The following SRRT variants were observed in gnomAD, a reference collection of about 807,000 sequenced individuals.
SRRT encodes the protein serrate, RNA effector molecule, also known as serrate RNA effector molecule homolog.
In SRRT, 32 loss-of-function variants were observed where a neutral mutation model predicts 103.2. That is an observed-to-expected ratio of 0.31 (90% confidence interval 0.23 to 0.42). The LOEUF (loss-of-function observed/expected upper bound fraction) is 0.42, where lower values mean the gene tolerates loss of function less well. Among genes scored for constraint, SRRT ranks in the 10% least tolerant of loss-of-function variants. The pLI is 1.00. For synonymous variants in SRRT, 525 were observed against 449.0 expected, an observed-to-expected ratio of 1.17 and a Z score of -2.14; for missense variants, 986 against 1,207.5, an observed-to-expected ratio of 0.82 and a Z score of 2.72.
chr7:100,880,109 G>A (rs1255796057), intron 2 of SRRT, among the ~76,000 whole-genome samples: 1 of 152,224 alleles, frequency 6.6e-6, no homozygotes, highest in Non-Finnish European at 1.5e-5. Flanking sequence ...AGGACAGGGT[G>A]TGTGGGGATG....
Position 100,884,123 on chromosome 7 carries a change from G to A in SRRT, c.641G>A (p.Arg214Gln), listed in dbSNP as rs769951704. 30 of 1,611,212 alleles carry A rather than the reference G, an allele frequency of 1.9e-5. No individual in the cohort carries two copies. In the African/African-American group the frequency reaches 2.4e-4, roughly 13 times the overall value. The change falls in exon 6 of 20, where the codon CGG becomes CAG. Residue 214 changes from arginine (R) to glutamine (Q), a missense_variant. Around this residue, in one of 6 missense-constraint regions of SRRT, gnomAD observed 274 missense variants for 358.5 expected, o/e 0.76. Coordinates refer to ENST00000611405, the MANE Select transcript of SRRT (RefSeq NM_015908.6). ...DEVGKRRQEA[R>Q]GALQNRLRVF... is the part of the protein sequence containing the mutation. ...GTGGGGAAGCGTCGGCAGGAGGCCC[G>A]GGGGGCCCTGCAAAACCGACTGAGG...
In SRRT at chr7:100,885,746, C is replaced by T; in HGVS notation, c.1363C>T (p.Pro455Ser). 2 of 1,613,996 alleles carry T rather than the reference C, an allele frequency of 1.2e-6. No individual in the cohort carries two copies. Among genetic ancestry groups the T allele is most frequent in the Non-Finnish European group, 1.7e-6 (2 of 1,179,956 alleles). Residue 455 changes from proline to serine, a missense_variant, in exon 11 of 20, where the codon CCC becomes TCC. Coordinates refer to ENST00000611405, the MANE Select transcript of SRRT (RefSeq NM_015908.6). The surrounding 1 kb of genome is among the most constrained non-coding windows in gnomAD (Gnocchi z 4.8). ...PGFMRVALSE[P>S]QPERRFFRRG... Reference sequence around the variant, plus strand: ...CTTTATGCGGGTGGCGCTCTCAGAGCCCCAGCCAGAGAGGAGGTGAGTAAC... The same window carrying T: ...CTTTATGCGGGTGGCGCTCTCAGAGTCCCAGCCAGAGAGGAGGTGAGTAAC...
intron 1 of SRRT, 102 bp from the exon 2 acceptor site, chr7:100,875,471 C>T (rs1200865964): frequency 6.4e-7 from 1 of 1,561,066 alleles, no homozygotes; most frequent in Non-Finnish European, 8.7e-7. Flanking sequence ...CCGCGGAGGG[C>T]TGGCCTTGGC....
chr7:100,884,818 T>C lies in SRRT; in HGVS notation c.1021T>C (p.Ser341Pro). ...DGDKEEKKEDSEKEAKKSSKK... is the reference protein window; with the variant it reads ...DGDKEEKKEDPEKEAKKSSKK... Reference sequence around the variant, plus strand: ...GGACAAGGAAGAGAAGAAAGAAGACTCCGAGAAGGAAGCCAAAAAGGTGAG... The same window carrying C: ...GGACAAGGAAGAGAAGAAAGAAGACCCCGAGAAGGAAGCCAAAAAGGTGAG... The change falls in exon 8 of 20, where the codon TCC becomes CCC. Residue 341 changes from serine (S) to proline (P), a missense_variant. This residue lies in a region of SRRT where 166 missense variants were observed against 148.6 expected (regional missense o/e 1.12). Transcript: ENST00000611405. 6.2e-7 allele frequency: 1 copy of C among 1,613,476 alleles called. No individual in the cohort carries two copies. The highest frequency in any genetic ancestry group is 1.1e-5 in the South Asian group (1 of 91,042).
At position 100,888,582 on chromosome 7, in the gene SRRT, A is replaced by G. The variant is rs746069373; in HGVS notation, c.*33A>G. ...CCCGTTCCTCAGTCCTGTATCATCC[A>G]TACTTGTACTACCTTGTCCTATGAA... On this transcript the variant is annotated 3_prime_UTR_variant, in exon 20 of 20. Coordinates refer to ENST00000611405, the MANE Select transcript of SRRT (RefSeq NM_015908.6). The G allele has an allele frequency of 1.9e-5, 31 of 1,612,546 alleles. No individual in the cohort carries two copies. The East Asian group carries it at 4.5e-4, about 23-fold the overall frequency.
In SRRT at chr7:100,885,203, TC is replaced by T; in HGVS notation, c.1160-8del. 6.2e-7 allele frequency: 1 copy of T among 1,611,908 alleles called. No homozygotes were observed. Among genetic ancestry groups the T allele is most frequent in the Non-Finnish European group, 8.5e-7 (1 of 1,178,718 alleles). ...TGCACCAACTCCTTCCTACCCCCCT[TC>T]CTGCCTAGAAGAAGCGCTCAAGGAG... is the stretch of plus-strand genomic sequence containing the variant. On this transcript the variant is annotated splice_polypyrimidine_tract_variant and intron_variant, in intron 9 of 19. Coordinates refer to ENST00000611405, the MANE Select transcript of SRRT (RefSeq NM_015908.6). This position sits in a 1 kb window ranked among gnomAD's most constrained non-coding sequence, Gnocchi z 4.8.
chr7:100,878,217 C>T (rs13226043), intron 2 of SRRT, among the ~76,000 whole-genome samples: 62,156 of 151,268 alleles, frequency 0.41, 14,969 homozygotes, highest in East Asian at 0.8. Flanking sequence ...GAGGCTGAGG[C>T]GGGAGGATGG....
Position 100,887,254 on chromosome 7 carries a change from C to CCCCTTGCCACCATCCTTCCTTCTGGCT in SRRT, c.1976-56_1976-30dup. 5.0e-6 allele frequency: 8 copies of CCCCTTGCCACCATCCTTCCTTCTGGCT among 1,611,126 alleles called. No homozygotes were observed. The highest frequency in any genetic ancestry group is 6.8e-6 in the Non-Finnish European group (8 of 1,177,808). ...GCTGCCCCTGGCCTTGGTCCTCCAG[C>CCCCTTGCCACCATCCTTCCTTCTGGCT]CCCTTGCCACCATCCTTCCTTCTGG... On this transcript the variant is annotated intron_variant, in intron 15 of 19. Transcript: ENST00000611405. The surrounding 1 kb of genome is among the most constrained non-coding windows in gnomAD (Gnocchi z 4.1).
rs1790161010 is a variant in SRRT, at chr7:100,886,777, T to C, written c.1648-18T>C. The C allele has an allele frequency of 1.2e-6, 2 of 1,613,882 alleles. No homozygotes were observed. Among genetic ancestry groups the C allele is most frequent in the Non-Finnish European group, 1.7e-6 (2 of 1,179,894 alleles). On this transcript the variant is annotated intron_variant, in intron 13 of 19. Coordinates refer to ENST00000611405, the MANE Select transcript of SRRT (RefSeq NM_015908.6). Reference sequence around the variant, plus strand: ...TGAAGGTCTTCTCTGCCTTACTTGCTTCTCTTCCTCCCATCAGAGCCTGCC... The same window carrying C: ...TGAAGGTCTTCTCTGCCTTACTTGCCTCTCTTCCTCCCATCAGAGCCTGCC...
At chr7:100,881,455 T>C in intron 3 of SRRT, 42 bp downstream of exon 3, 1 of 1,600,122 alleles carries the variant, frequency 6.2e-7, no homozygotes, top group Non-Finnish European at 8.5e-7. Context: ...TTGCCTCAGT[T>C]CCACCTGGGC....
intron 12 of SRRT, 93 bp downstream of exon 12, chr7:100,886,034 T>G (rs1320176367): frequency 6.8e-5 from 100 of 1,460,898 alleles, no homozygotes; most frequent in African/African-American, 1.8e-4. Context: ...ATAGTTTGGT[T>G]GTTCTGCACA....
At chr7:100,881,933 C>T in intron 4 of SRRT, 120 bp from the exon 5 acceptor site, 1 of 1,472,762 alleles carries the variant, frequency 6.8e-7, no homozygotes, top group Non-Finnish European at 9.1e-7. Context: ...GGGGTGGTAG[C>T]TGTTGGGGTT....
At chr7:100,878,853 C>T (rs2115738664) in intron 2 of SRRT, among the ~76,000 whole-genome samples, 1 of 152,284 alleles carries the variant, frequency 6.6e-6, no homozygotes, top group African/African-American at 2.4e-5. Flanking sequence ...AGGTGTATGC[C>T]ATCACACCCA....
intron 12 of SRRT, 35 bp from the exon 13 acceptor site, chr7:100,886,212 A>C: frequency 2.5e-6 from 4 of 1,595,098 alleles, no homozygotes; most frequent in Non-Finnish European, 3.4e-6. Context: ...AAGCGGGGTA[A>C]GTGGGGTAAG....
rs1431100890 is a variant in SRRT at position 100,881,701 on chromosome 7, G to T, written c.294G>T (p.Met98Ile). 1 of 1,613,948 alleles carries T rather than the reference G, an allele frequency of 6.2e-7. No homozygotes were observed. The highest frequency in any genetic ancestry group is 8.5e-7 in the Non-Finnish European group (1 of 1,180,022). The change falls in exon 4 of 20, where the codon ATG becomes ATT. Residue 98 changes from methionine (M) to isoleucine (I), a missense_variant. By Grantham distance (10) the Met-to-Ile change is conservative (BLOSUM62 1). Transcript: ENST00000611405. ...ACCCATACCACAGTGGCTATGAGATGCCCTATGCTGGGGGGGGTGGGGGCC... is the reference window on the plus strand; with the variant it reads ...ACCCATACCACAGTGGCTATGAGATTCCCTATGCTGGGGGGGGTGGGGGCC... Reference protein sequence around the residue: ...SSDPYHSGYEMPYAGGGGGPT... With the variant: ...SSDPYHSGYEIPYAGGGGGPT...
chr7:100,885,032 A>G lies in SRRT; in HGVS notation c.1151A>G (p.Glu384Gly). 1 of 1,613,798 alleles carries G rather than the reference A, an allele frequency of 6.2e-7. No individual in the cohort carries two copies. Among genetic ancestry groups the G allele is most frequent in the Non-Finnish European group, 8.5e-7 (1 of 1,179,982 alleles). Residue 384 changes from glutamate to glycine, a missense_variant, in exon 9 of 20, where the codon GAG becomes GGG. Around this residue, in one of 6 missense-constraint regions of SRRT, gnomAD observed 166 missense variants for 148.6 expected, o/e 1.12. Coordinates refer to ENST00000611405, the MANE Select transcript of SRRT (RefSeq NM_015908.6). The surrounding 1 kb of genome is among the most constrained non-coding windows in gnomAD (Gnocchi z 4.8). Reference sequence around the variant, plus strand: ...AGCGGCCAGGCTGAGGAGGAGAAGGAGGAGGCCGGTAGGGTTTCTTTTCTG... The same window carrying G: ...AGCGGCCAGGCTGAGGAGGAGAAGGGGGAGGCCGGTAGGGTTTCTTTTCTG... Reference protein sequence around the residue: ...SESGQAEEEKEEAEEALKEKE... With the variant: ...SESGQAEEEKGEAEEALKEKE...
Position 100,887,761 on chromosome 7 carries a change from T to C in SRRT, c.2228T>C (p.Val743Ala). 6.2e-7 allele frequency: 1 copy of C among 1,613,352 alleles called. No individual in the cohort carries two copies. Among genetic ancestry groups the C allele is most frequent in the South Asian group, 1.1e-5 (1 of 91,066 alleles). ...AAGCATGCAGAGAAAATTGAGGAAG[T>C]GAAAAAGGAAGTCGCGTTTTTTAAC... is the stretch of plus-strand genomic sequence containing the variant. ...FNKHAEKIEE[V>A]KKEVAFFNNF... The change falls in exon 17 of 20, where the codon GTG becomes GCG. Residue 743 changes from valine to alanine, a missense_variant. Physicochemically the swap from Val to Ala is moderately conservative, Grantham distance 64. Transcript: ENST00000611405. This position sits in a 1 kb window ranked among gnomAD's most constrained non-coding sequence, Gnocchi z 4.1.
chr7:100,876,794 C>T (rs1815755569), intron 2 of SRRT, among the ~76,000 whole-genome samples: 1 of 152,084 alleles, frequency 6.6e-6, no homozygotes, highest in Non-Finnish European at 1.5e-5. Flanking sequence ...GAACAGATCT[C>T]TAAAGGAGGG....
At position 100,887,993 on chromosome 7, in the gene SRRT, C is replaced by T. The variant is rs752126980; in HGVS notation, c.2327-49C>T. 57 of 1,524,110 alleles carry T rather than the reference C, an allele frequency of 3.7e-5. No homozygotes were observed. In the East Asian group the frequency reaches 4.5e-4, roughly 12 times the overall value. 94.4% of individuals were successfully genotyped at this position (1,524,110 alleles called of 1,614,324 possible). On this transcript the variant is annotated intron_variant, in intron 17 of 19. Transcript: ENST00000611405. The surrounding 1 kb of genome is among the most constrained non-coding windows in gnomAD (Gnocchi z 4.1). ...CATAGCCCTAGAAGTCAATTGTACC[C>T]GTATCCCCCTCCCCGCCCCCGCAGT...
Sources: allele counts gnomAD v4.1 joint callset (sites outside exome capture counted in the v4.1 genomes callset), GRCh38; gene constraint gnomAD v4.1.1; regional missense constraint gnomAD v4.1.1; non-coding constraint Gnocchi (gnomAD v3.1); transcripts MANE v1.5; gene names NCBI Gene and HGNC (gene_info 2026-07-23, HGNC 2026-07-21).